The following CRPPA variants were observed in gnomAD, a reference collection of about 807,000 sequenced individuals.
The protein encoded by CRPPA is CDP-L-ribitol pyrophosphorylase A.
In CRPPA, 43 loss-of-function variants were observed where a neutral mutation model predicts 52.0. The ratio of observed to expected loss-of-function variants is 0.83; its 90% CI spans 0.65 to 1.07. The LOEUF (loss-of-function observed/expected upper bound fraction) is 1.07, where lower values mean the gene tolerates loss of function less well. Ranked by LOEUF, CRPPA falls within the 50% of genes least tolerant of loss-of-function variation. The pLI, the probability that CRPPA is intolerant of heterozygous loss-of-function variation, is 0.00. For missense variants in CRPPA, 629 were observed against 551.7 expected (o/e 1.14, Z -1.40); for synonymous variants, 250 against 203.5 (o/e 1.23, Z -1.94).
chr7:16,393,764 A>AT (rs774506493), intron 2 of CRPPA, among the ~76,000 whole-genome samples: 34 of 152,272 alleles, frequency 2.2e-4, no homozygotes, highest in Non-Finnish European at 4.3e-4. Context: ...ACACATTGTG[A>AT]TTTTTTTAAG....
chr7:16,199,036 C>T (rs1781795208), intron 9 of CRPPA, among the ~76,000 whole-genome samples: 1 of 152,098 alleles, frequency 6.6e-6, no homozygotes, highest in Non-Finnish European at 1.5e-5. Context: ...CACAACTAGC[C>T]TAAACACATT....
At chr7:16,097,712 A>C (rs1187977447) in intron 9 of CRPPA, among the ~76,000 whole-genome samples, 1 of 152,118 alleles carries the variant, frequency 6.6e-6, no homozygotes, top group African/African-American at 2.4e-5. Flanking sequence ...TGGGACTCCT[A>C]AGCCTTTGGC....
chr7:16,279,794 G>C (rs1266807512), intron 5 of CRPPA, among the ~76,000 whole-genome samples: 1 of 152,184 alleles, frequency 6.6e-6, no homozygotes, highest in Non-Finnish European at 1.5e-5. Context: ...CATAAACGTA[G>C]TGTGACCAAC....
chr7:16,174,043 A>G (rs1337456119), intron 9 of CRPPA, among the ~76,000 whole-genome samples: 1 of 152,188 alleles, frequency 6.6e-6, no homozygotes, highest in East Asian at 1.9e-4. Flanking sequence ...ATAATAATGT[A>G]GGAGAATACA....
chr7:16,281,865 G>C lies in CRPPA; in HGVS notation c.836-3639C>G, dbSNP rs1413122056. On this transcript the variant is annotated intron_variant, in intron 5 of 9. Coordinates refer to ENST00000407010, the MANE Select transcript of CRPPA (RefSeq NM_001101426.4). ...TTCATCTAAATTCTTATTAACAGTAGCATAACGTTGTTCGTAACATCTTAA... is the reference window on the plus strand; with the variant it reads ...TTCATCTAAATTCTTATTAACAGTACCATAACGTTGTTCGTAACATCTTAA... Among the ~76,000 whole-genome samples, 5 of 152,204 alleles carry C rather than the reference G, an allele frequency of 3.3e-5. No homozygotes were observed. In the South Asian group the frequency reaches 6.2e-4, roughly 19 times the overall value.
Position 16,239,159 on chromosome 7 carries a change from C to G in CRPPA, c.1119+19231G>C, listed in dbSNP as rs1476596301. ...TCTCAAAAAAAAAAAAAAAAAAAAG[C>G]CATTTAGATGCCATCAAAGGCATCC... On this transcript the variant is annotated intron_variant, in intron 8 of 9. Coordinates refer to ENST00000407010, the MANE Select transcript of CRPPA (RefSeq NM_001101426.4). Among the ~76,000 whole-genome samples, 4 of 81,700 alleles carry G rather than the reference C, an allele frequency of 4.9e-5. No individual in the cohort carries two copies. The South Asian group carries it at 1.2e-3, about 25-fold the overall frequency. The allele number at this position is 81,700 out of a possible 152,430, so 53.6% of individuals were successfully genotyped here.
chr7:16,158,295 T>C (rs910636950), intron 9 of CRPPA, among the ~76,000 whole-genome samples: 2 of 152,158 alleles, frequency 1.3e-5, no homozygotes, highest in Non-Finnish European at 2.9e-5. Context: ...TCATATATTA[T>C]ACATTATTGT....
chr7:16,392,222 T>TA (rs1787464334), intron 2 of CRPPA, among the ~76,000 whole-genome samples: 1 of 152,110 alleles, frequency 6.6e-6, no homozygotes, highest in Admixed American at 6.6e-5. Flanking sequence ...ATCCAACAAT[T>TA]CACTCTAAGT....
intron 9 of CRPPA, among the ~76,000 whole-genome samples, chr7:16,172,861 G>A (rs1253053976): frequency 2.0e-5 from 3 of 152,042 alleles, no homozygotes; most frequent in Non-Finnish European, 4.4e-5. Context: ...AAATATAATA[G>A]GAATGCCTTT....
At chr7:16,345,551 G>A (rs1785991854) in intron 3 of CRPPA, among the ~76,000 whole-genome samples, 1 of 152,122 alleles carries the variant, frequency 6.6e-6, no homozygotes, top group Non-Finnish European at 1.5e-5. Flanking sequence ...GGTAAACAGT[G>A]TATAAATATG....
At chr7:16,166,446 A>C (rs1216629686) in intron 9 of CRPPA, among the ~76,000 whole-genome samples, 1 of 152,086 alleles carries the variant, frequency 6.6e-6, no homozygotes, top group East Asian at 1.9e-4. Flanking sequence ...CGCCCAGCTA[A>C]TATTTGTATT....
intron 3 of CRPPA, among the ~76,000 whole-genome samples, chr7:16,341,316 G>A (rs1785822211): frequency 6.6e-6 from 1 of 151,842 alleles, no homozygotes; most frequent in African/African-American, 2.4e-5. Flanking sequence ...ACTCTGGTAG[G>A]GGATATTGAT....
chr7:16,214,810 G>A (rs1782260984), intron 9 of CRPPA, among the ~76,000 whole-genome samples: 1 of 152,190 alleles, frequency 6.6e-6, no homozygotes, highest in Non-Finnish European at 1.5e-5. Flanking sequence ...CACAAAGAGA[G>A]AATATTACTG....
chr7:16,228,720 C>T (rs1335142619), intron 8 of CRPPA, among the ~76,000 whole-genome samples: 4 of 151,922 alleles, frequency 2.6e-5, no homozygotes, highest in Admixed American at 1.3e-4. Context: ...ACATGATTTA[C>T]CCTGGAGAAT....
In CRPPA at chr7:16,334,081, G is replaced by C. The variant is rs568249771; in HGVS notation, c.685-25454C>G. On this transcript the variant is annotated intron_variant, in intron 3 of 9. Coordinates refer to ENST00000407010, the MANE Select transcript of CRPPA (RefSeq NM_001101426.4). ...TCAGTTAGAAACAAAAAATGGGGTT[G>C]AGGGCCACCAACTCATGGATCTTGG... 1.1e-3 allele frequency among the ~76,000 whole-genome samples: 168 copies of C among 152,214 alleles called. 5 individuals carry two copies. In the South Asian group the frequency reaches 0.029, roughly 26 times the overall value.
At chr7:16,196,528 A>G (rs1182717209) in intron 9 of CRPPA, among the ~76,000 whole-genome samples, 1 of 152,220 alleles carries the variant, frequency 6.6e-6, no homozygotes, top group Admixed American at 6.5e-5. Context: ...CAGAAGACAC[A>G]CTGTAGATAC....
intron 2 of CRPPA, among the ~76,000 whole-genome samples, chr7:16,398,866 C>T (rs1787700503): frequency 6.6e-6 from 1 of 152,036 alleles, no homozygotes; most frequent in Non-Finnish European, 1.5e-5. Context: ...GGCATGTGTC[C>T]AACACGTGAC....
At chr7:16,180,778 C>T (rs778875399) in intron 9 of CRPPA, among the ~76,000 whole-genome samples, 6 of 151,854 alleles carry the variant, frequency 4.0e-5, no homozygotes, top group Non-Finnish European at 8.8e-5. Flanking sequence ...ATAAATATAG[C>T]TTATTGGAAT....
intron 3 of CRPPA, among the ~76,000 whole-genome samples, chr7:16,361,907 C>A (rs940300388): frequency 6.6e-6 from 1 of 152,056 alleles, no homozygotes; most frequent in African/African-American, 2.4e-5. Flanking sequence ...CAGGCTGGAG[C>A]GCAGTGGCTC....
Sources: gnomAD v4.1 joint callset for allele counts (sites outside exome capture counted in the v4.1 genomes callset) on GRCh38, gnomAD v4.1.1 for gene constraint, MANE v1.5 for transcripts, NCBI Gene and HGNC (gene_info 2026-07-23, HGNC 2026-07-21) for gene names.